Variants in CRYGN observed in about 807,000 individuals in gnomAD.
CRYGN encodes the protein gamma-crystallin N.
A neutral mutation model predicts 19.2 loss-of-function variants in CRYGN; 17 were observed. The observed-to-expected ratio is 0.89, with a 90% CI of 0.61 to 1.33. CRYGN has a LOEUF of 1.33. Among genes scored for constraint, CRYGN ranks in the 40% most tolerant of loss-of-function variants. CRYGN has a pLI of 0.00. For synonymous variants in CRYGN, 84 were observed against 85.8 expected (o/e 0.98, Z 0.12); for missense variants, 239 against 239.6 (o/e 1.00, Z 0.02).
chr7:151,439,334 C>T (rs1469477916), intron 1 of CRYGN, among the ~76,000 whole-genome samples: 1 of 152,180 alleles, frequency 6.6e-6, no homozygotes. Flanking sequence ...AGACCAAAGG[C>T]TTCATGGGAG....
intron 2 of CRYGN, among the ~76,000 whole-genome samples, chr7:151,437,495 G>A (rs75866405): frequency 0.02 from 3,020 of 152,212 alleles, 127 homozygotes; most frequent in African/African-American, 0.069. Context: ...CCTCTTGGGC[G>A]GCAGCTACCT....
Position 151,436,339 on chromosome 7 carries a change from C to G in CRYGN, c.271-14G>C, listed in dbSNP as rs1165200233. Reference sequence around the variant, plus strand: ...ATGTTCTCCGTGCTCCAAGACCAAGCAAAAAAGAAGGAAAGAAGGAGGTTG... The same window carrying G: ...ATGTTCTCCGTGCTCCAAGACCAAGGAAAAAAGAAGGAAAGAAGGAGGTTG... On this transcript the variant is annotated splice_polypyrimidine_tract_variant and intron_variant, in intron 2 of 3. Coordinates refer to ENST00000337323, the MANE Select transcript of CRYGN (RefSeq NM_144727.3). The surrounding 1 kb of genome is among the most constrained non-coding windows in gnomAD (Gnocchi z 5.1). The G allele has an allele frequency of 6.6e-7, 1 of 1,514,486 alleles. No homozygotes were observed. 93.8% of individuals were successfully genotyped at this position (1,514,486 alleles called of 1,614,324 possible).
In CRYGN at chr7:151,433,185, C is replaced by T. The variant is rs898240598; in HGVS notation, c.416+2995G>A. Among the ~76,000 whole-genome samples the T allele has an allele frequency of 2.0e-5, 3 of 152,244 alleles. No homozygotes were observed. The highest frequency in any genetic ancestry group is 2.9e-5 in the Non-Finnish European group (2 of 68,048). On this transcript the variant is annotated intron_variant, in intron 3 of 3. Coordinates refer to ENST00000337323, the MANE Select transcript of CRYGN (RefSeq NM_144727.3). The surrounding 1 kb of genome is among the most constrained non-coding windows in gnomAD (Gnocchi z 5.1). Reference sequence around the variant, plus strand: ...GAGAGCAGAAACAGTCAGGACAAGTCTTTACAGAGCCTGGAGGACCTCGGG... The same window carrying T: ...GAGAGCAGAAACAGTCAGGACAAGTTTTTACAGAGCCTGGAGGACCTCGGG...
At chr7:151,434,703 T>A (rs1801555839) in intron 3 of CRYGN, among the ~76,000 whole-genome samples, 1 of 152,172 alleles carries the variant, frequency 6.6e-6, no homozygotes, top group Admixed American at 6.5e-5. Flanking sequence ...ATATAGTAAG[T>A]CCTCACTTAA....
chr7:151,432,024 G>C (rs117613020), intron 3 of CRYGN: 5,532 of 416,522 alleles, frequency 0.013, 54 homozygotes, highest in Non-Finnish European at 0.015. Context: ...TGCCGAGAGA[G>C]CACTCAGAAG....
At chr7:151,440,197 G>A, upstream of CRYGN, 1 of 953,674 alleles carries the variant, frequency 1.0e-6, no homozygotes, top group South Asian at 2.4e-5. Flanking sequence ...GGCTGCCCCT[G>A]CCCTGCCCTG....
At chr7:151,432,386 T>A (rs2075003) in intron 3 of CRYGN, 2 of 608,640 alleles carry the variant, frequency 3.3e-6, no homozygotes. Flanking sequence ...CCCCTCCCGG[T>A]CGAGCGGCCC....
At chr7:151,434,886 T>A (rs1359956366) in intron 3 of CRYGN, among the ~76,000 whole-genome samples, 1 of 152,274 alleles carries the variant, frequency 6.6e-6, no homozygotes, top group African/African-American at 2.4e-5. Flanking sequence ...ATCCACAATG[T>A]TAAGTGAGGA....
rs1801725495 is a variant in CRYGN at position 151,440,061 on chromosome 7, G to T, written c.-144C>A. ...TGCTAAGCCCGAGGGGCCACCAGGC[G>T]GTTGGGACCCGCCGCGGCCACCCTG... is the stretch of plus-strand genomic sequence containing the variant. On this transcript the variant is annotated 5_prime_UTR_variant, in exon 1 of 4. Transcript: ENST00000337323. The T allele has an allele frequency of 2.9e-6, 4 of 1,358,946 alleles. No individual in the cohort carries two copies. The highest frequency in any genetic ancestry group is 7.1e-5 in the Admixed American group (2 of 27,992). 84.2% of individuals were successfully genotyped at this position (1,358,946 alleles called of 1,614,324 possible). A position where few individuals can be genotyped will look rare whatever the true frequency, so the allele number is the denominator to read the frequency against.
chr7:151,438,172 C>G lies in CRYGN; in HGVS notation c.94G>C (p.Asp32His). ...EVFGDCDNFQ[D>H]RGFMNRVNSI... is the part of the protein sequence containing the mutation. Reference sequence around the variant, plus strand: ...TTCACTCGGTTCATAAAGCCCCGGTCCTGGAAGTTGTCACAGTCCCCGAAG... The same window carrying G: ...TTCACTCGGTTCATAAAGCCCCGGTGCTGGAAGTTGTCACAGTCCCCGAAG... The change falls in exon 2 of 4, where the codon GAC becomes CAC. Residue 32 changes from aspartate to histidine, a missense_variant. Asp to His is a moderately conservative substitution (Grantham distance 81). Transcript: ENST00000337323. 1 of 1,614,202 alleles carries G rather than the reference C, an allele frequency of 6.2e-7. No individual in the cohort carries two copies. The highest frequency in any genetic ancestry group is 1.1e-5 in the South Asian group (1 of 91,088).
Position 151,430,104 on chromosome 7 carries a change from C to T in CRYGN, c.493G>A (p.Glu165Lys), listed in dbSNP as rs117702478. 224 of 1,585,954 alleles carry T rather than the reference C, an allele frequency of 1.4e-4. No homozygotes were observed. Among genetic ancestry groups the T allele is most frequent in the Non-Finnish European group, 1.9e-4 (214 of 1,154,274 alleles). Reference sequence around the variant, plus strand: ...GTTGTTGCTGGTTTTGTGGTGGCCTCTTCCGGTCCTTGATCTGATTGAAGA... The same window carrying T: ...GTTGTTGCTGGTTTTGTGGTGGCCTTTTCCGGTCCTTGATCTGATTGAAGA... ...SSLQSDQGPE[E>K]ATTKPATTQP... Residue 165 changes from glutamate to lysine, a missense_variant, in exon 4 of 4, where the codon GAG becomes AAG. Coordinates refer to ENST00000337323, the MANE Select transcript of CRYGN (RefSeq NM_144727.3). This position sits in a 1 kb window ranked among gnomAD's most constrained non-coding sequence, Gnocchi z 5.2.
chr7:151,430,622 GC>G lies in CRYGN; in HGVS notation c.417-443del, dbSNP rs1801442322. Among the ~76,000 whole-genome samples the G allele has an allele frequency of 6.6e-6, 1 of 152,164 alleles. No homozygotes were observed. Among genetic ancestry groups the G allele is most frequent in the Non-Finnish European group, 1.5e-5 (1 of 68,034 alleles). Reference sequence around the variant, plus strand: ...CCTGTGTTCCCTCGCTGAGCTCCCTGCCGTACTCCATCACCCCCTAGGCCTG... The same window carrying G: ...CCTGTGTTCCCTCGCTGAGCTCCCTGCGTACTCCATCACCCCCTAGGCCTG... On this transcript the variant is annotated intron_variant, in intron 3 of 3. Transcript: ENST00000337323. This position sits in a 1 kb window ranked among gnomAD's most constrained non-coding sequence, Gnocchi z 5.2.
rs1323659114 is a variant in CRYGN, at chr7:151,435,188, A to G, written c.416+992T>C. ...AGTATAGACGGCAAATTGTTCCTCAATTGCTTCGATAGGCGCCAGAACCAT... is the reference window on the plus strand; with the variant it reads ...AGTATAGACGGCAAATTGTTCCTCAGTTGCTTCGATAGGCGCCAGAACCAT... On this transcript the variant is annotated intron_variant, in intron 3 of 3. Coordinates refer to ENST00000337323, the MANE Select transcript of CRYGN (RefSeq NM_144727.3). The surrounding 1 kb of genome is among the most constrained non-coding windows in gnomAD (Gnocchi z 4.2). 6.6e-6 allele frequency among the ~76,000 whole-genome samples: 1 copy of G among 152,082 alleles called. No individual in the cohort carries two copies. The highest frequency in any genetic ancestry group is 1.5e-5 in the Non-Finnish European group (1 of 68,012).
intron 3 of CRYGN, among the ~76,000 whole-genome samples, chr7:151,434,280 C>T (rs1052856661): frequency 6.6e-6 from 1 of 152,178 alleles, no homozygotes; most frequent in East Asian, 1.9e-4. Context: ...ACCTTCCCCA[C>T]CTTCGTTCTC....
At chr7:151,434,191 C>T (rs1304235684) in intron 3 of CRYGN, among the ~76,000 whole-genome samples, 3 of 152,276 alleles carry the variant, frequency 2.0e-5, no homozygotes, top group African/African-American at 7.2e-5. Flanking sequence ...CTGGGTCCCC[C>T]ACCTGGGGTC....
chr7:151,436,418 G>A lies in CRYGN; in HGVS notation c.271-93C>T. 1 of 1,280,698 alleles carries A rather than the reference G, an allele frequency of 7.8e-7. No individual in the cohort carries two copies. Among genetic ancestry groups the A allele is most frequent in the Non-Finnish European group, 1.0e-6 (1 of 955,838 alleles). The allele number at this position is 1,280,698 out of a possible 1,614,324, so 79.3% of individuals were successfully genotyped here. A position where few individuals can be genotyped will look rare whatever the true frequency, so the allele number is the denominator to read the frequency against. On this transcript the variant is annotated intron_variant, in intron 2 of 3. Transcript: ENST00000337323. This position sits in a 1 kb window ranked among gnomAD's most constrained non-coding sequence, Gnocchi z 5.1. ...AGCCCCATGCAGGAAGGAATTAGGA[G>A]GTACCCAAGGCACTGGGCACCCCCA...
chr7:151,439,536 G>A (rs1482581293), intron 1 of CRYGN, among the ~76,000 whole-genome samples: 1 of 152,156 alleles, frequency 6.6e-6, no homozygotes, highest in East Asian at 1.9e-4. Context: ...CCCTGGGAAG[G>A]AAAAGCCATA....
rs1271005394 is a variant in CRYGN, at chr7:151,433,716, G to C, written c.416+2464C>G. 1.3e-5 allele frequency: 2 copies of C among 154,830 alleles called. No homozygotes were observed. The highest frequency in any genetic ancestry group is 2.9e-5 in the Non-Finnish European group (2 of 68,296). The allele number at this position is 154,830 out of a possible 1,614,324, so 9.6% of individuals were successfully genotyped here. A position where few individuals can be genotyped will look rare whatever the true frequency, so the allele number is the denominator to read the frequency against. On this transcript the variant is annotated intron_variant, in intron 3 of 3. Transcript: ENST00000337323. The surrounding 1 kb of genome is among the most constrained non-coding windows in gnomAD (Gnocchi z 5.1). ...TCCTTTCCTACCCTGTGGTGGGCAAGAAATGCCCCAAGCCATGTCCTGGGC... is the reference window on the plus strand; with the variant it reads ...TCCTTTCCTACCCTGTGGTGGGCAACAAATGCCCCAAGCCATGTCCTGGGC...
In CRYGN at chr7:151,430,399, C is replaced by A. The variant is rs1801436412; in HGVS notation, c.417-219G>T. On this transcript the variant is annotated intron_variant, in intron 3 of 3. Coordinates refer to ENST00000337323, the MANE Select transcript of CRYGN (RefSeq NM_144727.3). The surrounding 1 kb of genome is among the most constrained non-coding windows in gnomAD (Gnocchi z 5.2). ...TCATGGGGCCCCTCCGTCTTTGCCA[C>A]CCAGCTCTTGGTGGGGAATTGTCTT... Among the ~76,000 whole-genome samples the A allele has an allele frequency of 6.6e-6, 1 of 152,114 alleles. No homozygotes were observed. The highest frequency in any genetic ancestry group is 6.5e-5 in the Admixed American group (1 of 15,270).
Sources: allele counts gnomAD v4.1 joint callset (sites outside exome capture counted in the v4.1 genomes callset), GRCh38; gene constraint gnomAD v4.1.1; non-coding constraint Gnocchi (gnomAD v3.1); transcripts MANE v1.5; gene names NCBI Gene and HGNC (gene_info 2026-07-23, HGNC 2026-07-21).